Variants in SLCO3A1 observed in about 807,000 individuals in gnomAD.
The protein encoded by SLCO3A1 is PGE1 transporter.
SLCO3A1 carries 27 observed loss-of-function variants against 63.1 expected under a neutral mutation model. That is an observed-to-expected ratio of 0.43 (90% confidence interval 0.32 to 0.59). SLCO3A1 has a LOEUF of 0.59. SLCO3A1 is among the 20% of genes least tolerant of loss of function. The probability of loss-of-function intolerance (pLI) is 0.09; values close to 1 mark genes in which losing one functional copy is unlikely to be tolerated. For missense variants in SLCO3A1, 773 were observed against 945.8 expected (o/e 0.82, Z 2.40); for synonymous variants, 473 against 409.9 (o/e 1.15, Z -1.86).
intron 4 of SLCO3A1, among the ~76,000 whole-genome samples, chr15:92,115,353 C>T (rs897074831): frequency 1.2e-4 from 18 of 152,134 alleles, no homozygotes; most frequent in Non-Finnish European, 2.6e-4. Flanking sequence ...TCTTTCCCTT[C>T]TCTGCTAGCT....
At chr15:91,866,493 AATCTC>A (rs1402446816) in intron 1 of SLCO3A1, among the ~76,000 whole-genome samples, 1 of 151,728 alleles carries the variant, frequency 6.6e-6, no homozygotes, top group Non-Finnish European at 1.5e-5. Context: ...TCTGCATTCT[AATCTC>A]ATCCATCTCT....
chr15:92,094,065 A>G (rs1262769721), intron 2 of SLCO3A1, among the ~76,000 whole-genome samples: 1 of 152,190 alleles, frequency 6.6e-6, no homozygotes, highest in East Asian at 1.9e-4. Context: ...AGAAATGTCT[A>G]CCAAATTGAA....
At chr15:91,864,155 A>C (rs1234809553) in intron 1 of SLCO3A1, among the ~76,000 whole-genome samples, 2 of 152,212 alleles carry the variant, frequency 1.3e-5, no homozygotes, top group Non-Finnish European at 2.9e-5. Flanking sequence ...GGACATGTGC[A>C]ATCGACTGTC....
intron 3 of SLCO3A1, among the ~76,000 whole-genome samples, chr15:92,099,985 G>A (rs2047584976): frequency 6.6e-6 from 1 of 151,566 alleles, no homozygotes; most frequent in Non-Finnish European, 1.5e-5. Flanking sequence ...AGAATTGCTT[G>A]AACCCAGGAG....
At chr15:92,096,104 A>G (rs552006542) in intron 3 of SLCO3A1, among the ~76,000 whole-genome samples, 17 of 152,268 alleles carry the variant, frequency 1.1e-4, no homozygotes, top group Middle Eastern at 6.8e-3. Context: ...AGGGTCTCTT[A>G]TGAGGCTGCA....
rs1407744475 is a variant in SLCO3A1, at chr15:91,886,645, A to T, written c.181-29348A>T. Among the ~76,000 whole-genome samples the T allele has an allele frequency of 1.3e-5, 2 of 152,220 alleles. No individual in the cohort carries two copies. The highest frequency in any genetic ancestry group is 2.9e-5 in the Non-Finnish European group (2 of 68,042). On this transcript the variant is annotated intron_variant, in intron 1 of 9. Transcript: ENST00000318445. The surrounding 1 kb of genome is among the most constrained non-coding windows in gnomAD (Gnocchi z 4.9). The stretch of plus-strand genomic sequence containing the variant: ...AGTCACCTACTGGCACACAGCACAG[A>T]TGCATCCAATGTCCTTATCTCTCAG...
chr15:92,151,073 A>G, intron 9 of SLCO3A1, 59 bp downstream of exon 9: 1 of 1,138,660 alleles, frequency 8.8e-7, no homozygotes, highest in Non-Finnish European at 1.3e-6. Flanking sequence ...CTAGGTGAGT[A>G]ACTGTCAGTC....
intron 2 of SLCO3A1, among the ~76,000 whole-genome samples, chr15:91,926,991 A>AG (rs1899053386): frequency 6.6e-6 from 1 of 152,128 alleles, no homozygotes. Flanking sequence ...GGCTGTATGG[A>AG]GTGACAGATG....
intron 2 of SLCO3A1, among the ~76,000 whole-genome samples, chr15:91,989,646 G>T (rs2046101594): frequency 6.6e-6 from 1 of 152,192 alleles, no homozygotes; most frequent in African/African-American, 2.4e-5. Flanking sequence ...TCGTTGCTCT[G>T]CATCACAGGC....
intron 1 of SLCO3A1, among the ~76,000 whole-genome samples, chr15:91,868,515 C>A (rs548342582): frequency 6.6e-6 from 1 of 152,100 alleles, no homozygotes; most frequent in South Asian, 2.1e-4. Context: ...AACATTTTGG[C>A]GTGAGTCCTT....
At chr15:92,103,399 A>G (rs1387199242) in intron 3 of SLCO3A1, among the ~76,000 whole-genome samples, 2 of 152,230 alleles carry the variant, frequency 1.3e-5, no homozygotes, top group African/African-American at 4.8e-5. Context: ...TAGCTGGCAC[A>G]ATAAAAGAAA....
At chr15:91,956,236 C>T (rs979953450) in intron 2 of SLCO3A1, among the ~76,000 whole-genome samples, 11 of 152,156 alleles carry the variant, frequency 7.2e-5, no homozygotes, top group African/African-American at 2.7e-4. Flanking sequence ...CTGGTGGCTT[C>T]TCAGCAGCAG....
chr15:92,171,938 G>T (rs11074043), exon 11 of SLCO3A1: 2 of 1,057,314 alleles, frequency 1.9e-6, no homozygotes, highest in South Asian at 1.4e-5. Context: ...CACTTAGCGC[G>T]CTCCTCCCTG....
At chr15:91,889,499 C>A (rs761475097) in intron 1 of SLCO3A1, among the ~76,000 whole-genome samples, 2 of 152,224 alleles carry the variant, frequency 1.3e-5, no homozygotes, top group African/African-American at 2.4e-5. Flanking sequence ...CTTGCTTGTT[C>A]TATGAATTGA....
intron 2 of SLCO3A1, among the ~76,000 whole-genome samples, chr15:92,079,951 G>C (rs922375746): frequency 5.3e-5 from 8 of 152,260 alleles, no homozygotes; most frequent in African/African-American, 9.6e-5. Flanking sequence ...CTCACACACA[G>C]AATGCGGGCC....
chr15:92,037,555 C>T (rs780150129), intron 2 of SLCO3A1, among the ~76,000 whole-genome samples: 1 of 152,198 alleles, frequency 6.6e-6, no homozygotes, highest in Non-Finnish European at 1.5e-5. Context: ...GCCTTAACCT[C>T]CACCCCCAGC....
intron 2 of SLCO3A1, among the ~76,000 whole-genome samples, chr15:92,006,850 A>G (rs2046318879): frequency 6.6e-6 from 1 of 152,356 alleles, no homozygotes; most frequent in East Asian, 1.9e-4. Flanking sequence ...GTTCCCCTCT[A>G]GGGAAAGCCC....
At chr15:91,879,321 C>G (rs1897491826) in intron 1 of SLCO3A1, among the ~76,000 whole-genome samples, 1 of 149,630 alleles carries the variant, frequency 6.7e-6, no homozygotes, top group Non-Finnish European at 1.5e-5. Flanking sequence ...TTTTTTAAAG[C>G]CACCATCTGC....
intron 2 of SLCO3A1, among the ~76,000 whole-genome samples, chr15:92,037,899 G>A (rs1211818480): frequency 1.3e-5 from 2 of 152,186 alleles, no homozygotes; most frequent in Non-Finnish European, 2.9e-5. Flanking sequence ...TGGGTCTGTG[G>A]TTTATGACAA....
Sources: gnomAD v4.1 joint callset for allele counts (sites outside exome capture counted in the v4.1 genomes callset) on GRCh38, gnomAD v4.1.1 for gene constraint, Gnocchi (gnomAD v3.1) non-coding constraint, MANE v1.5 for transcripts, NCBI Gene and HGNC (gene_info 2026-07-23, HGNC 2026-07-21) for gene names.